The following LEKR1 variants were observed in gnomAD, a reference collection of about 807,000 sequenced individuals.
The protein encoded by LEKR1 is protein LEKR1.
LEKR1 carries 59 observed loss-of-function variants against 72.4 expected under a neutral mutation model. That is an observed-to-expected ratio of 0.82 (90% CI 0.66 to 1.01). The LOEUF is 1.01. Among genes scored for constraint, LEKR1 ranks in the 50% least tolerant of loss-of-function variants. The probability of loss-of-function intolerance (pLI) is 0.00; values close to 1 mark genes in which losing one functional copy is unlikely to be tolerated. For synonymous variants in LEKR1, 257 were observed against 263.2 expected (o/e 0.98, Z 0.23); for missense variants, 728 against 759.2 (o/e 0.96, Z 0.48).
intron 12 of LEKR1, among the ~76,000 whole-genome samples, chr3:157,031,971 T>A (rs1734643669): frequency 6.7e-6 from 1 of 148,846 alleles, no homozygotes; most frequent in Non-Finnish European, 1.5e-5. Context: ...TGCAGGTCAA[T>A]AAAAAGAGAA....
intron 3 of LEKR1, among the ~76,000 whole-genome samples, chr3:156,856,618 C>A (rs1243969002): frequency 6.6e-6 from 1 of 152,098 alleles, no homozygotes; most frequent in Non-Finnish European, 1.5e-5. Flanking sequence ...TTCTTTAAAT[C>A]CTTCAATACA....
At chr3:156,866,224 G>A (rs1036625089) in intron 3 of LEKR1, among the ~76,000 whole-genome samples, 16 of 152,140 alleles carry the variant, frequency 1.1e-4, no homozygotes, top group African/African-American at 3.9e-4. Flanking sequence ...TCTAGATGCT[G>A]GAAAGGCCAG....
chr3:156,838,371 T>C (rs140175271), intron 2 of LEKR1, among the ~76,000 whole-genome samples: 122 of 152,278 alleles, frequency 8.0e-4, no homozygotes, highest in African/African-American at 2.8e-3. Context: ...AAAAAGGCCT[T>C]CCAAACCAGG....
At chr3:156,934,986 A>G (rs1215681232) in intron 5 of LEKR1, among the ~76,000 whole-genome samples, 2 of 152,190 alleles carry the variant, frequency 1.3e-5, no homozygotes, top group African/African-American at 4.8e-5. Flanking sequence ...ACATCTTTAT[A>G]CATGCATCTT....
chr3:157,030,591 C>T (rs951580821), intron 12 of LEKR1, among the ~76,000 whole-genome samples: 2 of 152,282 alleles, frequency 1.3e-5, no homozygotes, highest in African/African-American at 4.8e-5. Context: ...TCTATTGCTA[C>T]GTGACAAATT....
rs138854021 is a variant in LEKR1, at chr3:156,922,607, C to T, written c.383+1913C>T. Among the ~76,000 whole-genome samples, 517 of 152,238 alleles carry T rather than the reference C, an allele frequency of 3.4e-3. 2 individuals are homozygous for T. Among genetic ancestry groups the T allele is most frequent in the African/African-American group, 0.012 (491 of 41,552 alleles). ...AATCACTAGCCTCCAGCAAAGTATT[C>T]TTTCATGATCTGTGTTTTCCCTGAC... On this transcript the variant is annotated intron_variant, in intron 4 of 12. Transcript: ENST00000356539.
intron 3 of LEKR1, among the ~76,000 whole-genome samples, chr3:156,864,326 A>G (rs1458140204): frequency 3.3e-5 from 5 of 152,006 alleles, no homozygotes; most frequent in African/African-American, 1.2e-4. Context: ...CCTAATGTGG[A>G]TGACTCCAGT....
intron 9 of LEKR1, among the ~76,000 whole-genome samples, chr3:157,002,438 G>C (rs1386967617): frequency 1.3e-5 from 2 of 152,164 alleles, no homozygotes; most frequent in Middle Eastern, 3.4e-3. Flanking sequence ...TACTGTACAA[G>C]TGTGATTTTT....
At chr3:157,004,206 C>CA (rs1013698855) in intron 9 of LEKR1, among the ~76,000 whole-genome samples, 112 of 151,260 alleles carry the variant, frequency 7.4e-4, no homozygotes, top group African/African-American at 2.5e-3. Flanking sequence ...GATTTTGGAA[C>CA]AAAAAAAATA....
chr3:156,920,832 T>C (rs1228910997), intron 4 of LEKR1, 138 bp downstream of exon 4: 52 of 521,934 alleles, frequency 1.0e-4, no homozygotes, highest in Non-Finnish European at 1.6e-4. Flanking sequence ...TTAGGTTTTC[T>C]TTTTTCTTTT....
chr3:156,891,316 T>A (rs1221869923), intron 3 of LEKR1, among the ~76,000 whole-genome samples: 1 of 152,202 alleles, frequency 6.6e-6, no homozygotes, highest in Admixed American at 6.5e-5. Context: ...GAAAAAAGCA[T>A]GTGCATTTGC....
At chr3:156,837,619 A>T (rs1293865988) in intron 2 of LEKR1, among the ~76,000 whole-genome samples, 1 of 152,200 alleles carries the variant, frequency 6.6e-6, no homozygotes. Flanking sequence ...CAGAAGACAC[A>T]TAAAGATAAA....
intron 6 of LEKR1, among the ~76,000 whole-genome samples, chr3:156,967,919 C>G (rs1008006811): frequency 6.6e-6 from 1 of 152,208 alleles, no homozygotes; most frequent in African/African-American, 2.4e-5. Context: ...AGACTAACAG[C>G]AGATCTCTCA....
chr3:156,967,522 T>C (rs1728739160), intron 6 of LEKR1, among the ~76,000 whole-genome samples: 1 of 152,106 alleles, frequency 6.6e-6, no homozygotes, highest in Admixed American at 6.5e-5. Context: ...AGAAAGGGTA[T>C]CAGTGATGGA....
At chr3:156,938,504 G>A (rs1458500444) in intron 5 of LEKR1, among the ~76,000 whole-genome samples, 1 of 152,120 alleles carries the variant, frequency 6.6e-6, no homozygotes, top group African/African-American at 2.4e-5. Flanking sequence ...AGCCTCCAAA[G>A]TAGCTGGGAC....
chr3:156,959,809 G>T (rs1362391617), intron 6 of LEKR1, among the ~76,000 whole-genome samples: 3 of 151,768 alleles, frequency 2.0e-5, no homozygotes, highest in African/African-American at 7.3e-5. Context: ...TGTCACTATT[G>T]TGCTTCCTTA....
chr3:156,828,104 C>T (rs1434010981), intron 1 of LEKR1, among the ~76,000 whole-genome samples: 1 of 152,212 alleles, frequency 6.6e-6, no homozygotes, highest in Admixed American at 6.5e-5. Flanking sequence ...AACTTTACCA[C>T]ACATGTCATA....
Position 156,988,634 on chromosome 3 carries a change from G to GA in LEKR1, c.828-4017dup, listed in dbSNP as rs543407281. 1.3e-3 allele frequency: 316 copies of GA among 234,724 alleles called. 1 individual carries two copies. The highest frequency in any genetic ancestry group is 5.0e-3 in the Middle Eastern group (4 of 798). 14.5% of individuals were successfully genotyped at this position (234,724 alleles called of 1,614,324 possible). Reference sequence around the variant, plus strand: ...ATTCCTTCCTGGTAAAGGTACTGAAGAACCAGTCCCTCCACCAATGCCTCT... The same window carrying GA: ...ATTCCTTCCTGGTAAAGGTACTGAAGAAACCAGTCCCTCCACCAATGCCTCT... On this transcript the variant is annotated intron_variant, in intron 7 of 12. Transcript: ENST00000356539.
intron 12 of LEKR1, among the ~76,000 whole-genome samples, chr3:157,043,627 G>A (rs1735532275): frequency 6.6e-6 from 1 of 152,192 alleles, no homozygotes; most frequent in Non-Finnish European, 1.5e-5. Flanking sequence ...GAGCTTCAGT[G>A]TCTTTATTCG....
Sources: gnomAD v4.1 joint callset for allele counts (sites outside exome capture counted in the v4.1 genomes callset) on GRCh38, gnomAD v4.1.1 for gene constraint, MANE v1.5 for transcripts, NCBI Gene and HGNC (gene_info 2026-07-23, HGNC 2026-07-21) for gene names.